Variants in CSMD1 observed in about 807,000 individuals in gnomAD.
CSMD1 encodes the protein CUB and sushi domain-containing protein 1.
A neutral mutation model predicts 417.5 loss-of-function variants in CSMD1; 213 were observed. The observed-to-expected ratio is 0.51, with a 90% CI of 0.46 to 0.57. CSMD1 has a LOEUF of 0.57. Ranked by LOEUF, CSMD1 falls within the 20% of genes least tolerant of loss-of-function variation. The probability of loss-of-function intolerance (pLI) is 0.00; values close to 1 mark genes in which losing one functional copy is unlikely to be tolerated. For synonymous variants in CSMD1, 2,862 were observed against 1,736.8 expected (o/e 1.65, Z -16.11); for missense variants, 6,923 against 4,529.7 (o/e 1.53, Z -15.17).
chr8:4,631,746 G>A (rs1266532422), intron 2 of CSMD1, among the ~76,000 whole-genome samples: 1 of 152,040 alleles, frequency 6.6e-6, no homozygotes, highest in Non-Finnish European at 1.5e-5. Flanking sequence ...GATTTTAATG[G>A]CCCTATCACA....
chr8:2,951,352 C>G, intron 65 of CSMD1, 77 bp from the exon 66 acceptor site: 1 of 1,403,802 alleles, frequency 7.1e-7, no homozygotes, highest in Non-Finnish European at 9.6e-7. Flanking sequence ...ACACAGAAGG[C>G]ATCATACTGC....
intron 38 of CSMD1, among the ~76,000 whole-genome samples, chr8:3,158,278 T>A (rs952470332): frequency 2.0e-4 from 22 of 112,268 alleles, no homozygotes; most frequent in Non-Finnish European, 6.9e-5. Flanking sequence ...AAAATATGCA[T>A]TTTTTTTTTC....
intron 25 of CSMD1, among the ~76,000 whole-genome samples, chr8:3,300,076 G>T (rs79661380): frequency 1.4e-4 from 22 of 152,152 alleles, no homozygotes; most frequent in Non-Finnish European, 7.3e-5. Flanking sequence ...ATTCCAAAAG[G>T]GTGTAGTTTA....
intron 17 of CSMD1, among the ~76,000 whole-genome samples, chr8:3,395,717 C>T (rs989213749): frequency 3.9e-5 from 6 of 152,118 alleles, no homozygotes; most frequent in African/African-American, 9.7e-5. Context: ...TTAATTCCTT[C>T]GCCTCTTGTT....
Position 4,128,971 on chromosome 8 carries a change from G to A in CSMD1, c.416-96872C>T, listed in dbSNP as rs561259024. Among the ~76,000 whole-genome samples, 1,071 of 151,474 alleles carry A rather than the reference G, an allele frequency of 7.1e-3. 9 individuals are homozygous for A. Among genetic ancestry groups the A allele is most frequent in the Middle Eastern group, 0.034 (10 of 292 alleles). On this transcript the variant is annotated intron_variant, in intron 3 of 69. Transcript: ENST00000635120. ...TGTGCCTGTAGTCCCAGCTACTTGGGAAGCTGAGGCAGGAGAGTTGCTTGA... is the reference window on the plus strand; with the variant it reads ...TGTGCCTGTAGTCCCAGCTACTTGGAAAGCTGAGGCAGGAGAGTTGCTTGA...
intron 7 of CSMD1, among the ~76,000 whole-genome samples, chr8:3,694,542 C>T (rs1800442350): frequency 6.6e-6 from 1 of 151,896 alleles, no homozygotes; most frequent in South Asian, 2.1e-4. Context: ...GGTGAGATCC[C>T]CAGGTTCAGG....
intron 5 of CSMD1, among the ~76,000 whole-genome samples, chr8:3,900,433 G>A (rs1026031927): frequency 2.2e-4 from 34 of 151,596 alleles, no homozygotes; most frequent in African/African-American, 8.3e-4. Flanking sequence ...CAGTGTAGCT[G>A]GGTGACAGCA....
chr8:4,081,587 C>G (rs1036482975), intron 3 of CSMD1, among the ~76,000 whole-genome samples: 12 of 152,082 alleles, frequency 7.9e-5, no homozygotes, highest in African/African-American at 2.9e-4. Context: ...GAACACTATA[C>G]CCAACCACTG....
intron 1 of CSMD1, among the ~76,000 whole-genome samples, chr8:4,886,932 T>G (rs1803784495): frequency 6.6e-6 from 1 of 152,066 alleles, no homozygotes; most frequent in Non-Finnish European, 1.5e-5. Context: ...ATAACCAACT[T>G]TTGATTTCAC....
At chr8:3,573,817 T>C (rs1030875364) in intron 10 of CSMD1, among the ~76,000 whole-genome samples, 1 of 142,804 alleles carries the variant, frequency 7.0e-6, no homozygotes, top group Non-Finnish European at 1.5e-5. Flanking sequence ...TTAATATTAC[T>C]ATAAATATAA....
chr8:4,851,600 C>G (rs886712952), intron 1 of CSMD1, among the ~76,000 whole-genome samples: 33 of 152,136 alleles, frequency 2.2e-4, no homozygotes, highest in African/African-American at 6.8e-4. Flanking sequence ...AATAGCCTAT[C>G]CAACTCCATG....
At chr8:4,008,958 G>C (rs1816345783) in intron 4 of CSMD1, among the ~76,000 whole-genome samples, 1 of 152,116 alleles carries the variant, frequency 6.6e-6, no homozygotes, top group African/African-American at 2.4e-5. Context: ...ATGCCAAAGA[G>C]TTAATGTTTA....
At chr8:4,951,966 G>C (rs1808781061) in intron 1 of CSMD1, among the ~76,000 whole-genome samples, 1 of 151,270 alleles carries the variant, frequency 6.6e-6, no homozygotes, top group Non-Finnish European at 1.5e-5. Context: ...GACTCCTTCA[G>C]AGCCAAGCTT....
intron 10 of CSMD1, among the ~76,000 whole-genome samples, chr8:3,522,677 G>A (rs913814713): frequency 6.6e-6 from 1 of 152,006 alleles, no homozygotes; most frequent in African/African-American, 2.4e-5. Context: ...TTTCAGTGAG[G>A]AGTAGATCAG....
At chr8:3,450,146 G>A (rs570493325) in intron 12 of CSMD1, among the ~76,000 whole-genome samples, 5 of 152,212 alleles carry the variant, frequency 3.3e-5, no homozygotes, top group East Asian at 3.9e-4. Flanking sequence ...CTTCGATGAC[G>A]AACGTTGACT....
chr8:4,225,780 C>G (rs1178274841), intron 3 of CSMD1, among the ~76,000 whole-genome samples: 1 of 152,068 alleles, frequency 6.6e-6, no homozygotes, highest in Non-Finnish European at 1.5e-5. Flanking sequence ...CAAATCTATT[C>G]AGAGTGAAAT....
chr8:3,799,913 C>G (rs1340284421), intron 5 of CSMD1, among the ~76,000 whole-genome samples: 2 of 152,148 alleles, frequency 1.3e-5, no homozygotes, highest in African/African-American at 2.4e-5. Context: ...ATTAATGCAA[C>G]TTTCCTGTTT....
chr8:3,385,833 T>C (rs996193764), intron 18 of CSMD1, among the ~76,000 whole-genome samples: 3 of 151,982 alleles, frequency 2.0e-5, no homozygotes, highest in African/African-American at 7.2e-5. Context: ...TAAGAAGAAG[T>C]TGGCCAGAGA....
chr8:4,137,970 T>G (rs201632489), intron 3 of CSMD1, among the ~76,000 whole-genome samples: 2 of 148,488 alleles, frequency 1.3e-5, no homozygotes, highest in East Asian at 2.0e-4. Context: ...CTCCATCTCC[T>G]CGGTTCACGC....
Sources: allele counts gnomAD v4.1 joint callset (sites outside exome capture counted in the v4.1 genomes callset), GRCh38; gene constraint gnomAD v4.1.1; transcripts MANE v1.5; gene names NCBI Gene and HGNC (gene_info 2026-07-23, HGNC 2026-07-21).